Variants in NIN observed in about 807,000 individuals in gnomAD.
The protein encoded by NIN is ninein, also known as glycogen synthase kinase 3 beta-interacting protein.
A neutral mutation model predicts 257.6 loss-of-function variants in NIN; 137 were observed. The observed-to-expected ratio is 0.53, with a 90% CI of 0.46 to 0.61. The LOEUF is 0.61. Ranked by LOEUF, NIN falls within the 20% of genes least tolerant of loss-of-function variation. The pLI is 0.00. For missense variants in NIN, 2,439 were observed against 2,501.2 expected (o/e 0.98, Z 0.53); for synonymous variants, 918 against 919.8 (o/e 1.00, Z 0.04).
chr14:50,804,169 T>A (rs557410001), intron 4 of NIN, among the ~76,000 whole-genome samples: 3 of 152,150 alleles, frequency 2.0e-5, no homozygotes, highest in Non-Finnish European at 4.4e-5. Flanking sequence ...AGTGCTGGGA[T>A]TAGAGGCATG....
chr14:50,747,455 C>T (rs186959263), intron 22 of NIN, among the ~76,000 whole-genome samples: 3 of 152,214 alleles, frequency 2.0e-5, no homozygotes, highest in Admixed American at 6.5e-5. Context: ...TAGAGTGGGC[C>T]GGATGCAGTG....
intron 5 of NIN, among the ~76,000 whole-genome samples, chr14:50,790,275 T>C (rs750428755): frequency 6.6e-6 from 1 of 152,252 alleles, no homozygotes; most frequent in Non-Finnish European, 1.5e-5. Flanking sequence ...GGGCTGGTCT[T>C]GAACTCCTGG....
chr14:50,789,284 A>G (rs900519624), intron 5 of NIN, among the ~76,000 whole-genome samples: 4 of 152,186 alleles, frequency 2.6e-5, no homozygotes, highest in Non-Finnish European at 4.4e-5. Flanking sequence ...ACAATAAAGA[A>G]CTGTCAGAGG....
rs374549640 is a variant in NIN at position 50,806,729 on chromosome 14, G to C, written c.265+8C>G. 1.4e-5 allele frequency: 21 copies of C among 1,518,738 alleles called. No individual in the cohort carries two copies. Among genetic ancestry groups the C allele is most frequent in the African/African-American group, 2.8e-5 (2 of 72,536 alleles). 94.1% of individuals were successfully genotyped at this position (1,518,738 alleles called of 1,614,324 possible). The stretch of plus-strand genomic sequence containing the variant: ...GGGAAGGCAGAGAAGAGAAGTGAGT[G>C]ACCTTACCTGGTTCTTGAAAGTGTT... On this transcript the variant is annotated splice_region_variant and intron_variant, in intron 4 of 30. Transcript: ENST00000530997.
chr14:50,807,297 A>G, intron 3 of NIN, among the ~76,000 whole-genome samples: 1 of 152,216 alleles, frequency 6.6e-6, no homozygotes, highest in East Asian at 1.9e-4. Context: ...GAAGGTATAT[A>G]ATATTTATTT....
rs1468631773 is a variant in NIN at position 50,766,810 on chromosome 14, C to A, written c.1515G>T (p.Gln505His). The A allele has an allele frequency of 6.2e-7, 1 of 1,613,654 alleles. No homozygotes were observed. The highest frequency in any genetic ancestry group is 8.5e-7 in the Non-Finnish European group (1 of 1,179,756). ...CTGCTAACACATTTTCCAAATTTCTCTGAAGTTTGTTTGTCAGATTCTCAT... is the reference window on the plus strand; with the variant it reads ...CTGCTAACACATTTTCCAAATTTCTATGAAGTTTGTTTGTCAGATTCTCAT... Reference protein sequence around the residue: ...AEYENLTNKLQRNLENVLAEK... With the variant: ...AEYENLTNKLHRNLENVLAEK... The change falls in exon 13 of 31, where the codon CAG becomes CAT. Residue 505 changes from glutamine to histidine, a missense_variant. Gln to His is a conservative substitution (Grantham distance 24). Around this residue, in one of 3 missense-constraint regions of NIN, gnomAD observed 2,043 missense variants for 2,050.2 expected, o/e 1.00. Transcript: ENST00000530997.
Position 50,729,708 on chromosome 14 carries a change from A to T in NIN, c.5893T>A (p.Ser1965Thr), listed in dbSNP as rs1241922305. The change falls in exon 29 of 31, where the codon TCC (serine) becomes ACC (threonine). Residue 1965 changes from serine (S) to threonine (T), a missense_variant. Ser to Thr is a moderately conservative substitution (Grantham distance 58). Coordinates refer to ENST00000530997, the MANE Select transcript of NIN (RefSeq NM_020921.4). ...EQLMEMQHLRSTATPSPSPHA... is the reference protein window; with the variant it reads ...EQLMEMQHLRTTATPSPSPHA... Reference sequence around the variant, plus strand: ...GGGGACGGGCTAGGCGTCGCAGTGGACCTCAGGTGCTGCATCTGAAGGACA... The same window carrying T: ...GGGGACGGGCTAGGCGTCGCAGTGGTCCTCAGGTGCTGCATCTGAAGGACA... The T allele has an allele frequency of 2.5e-6, 4 of 1,605,068 alleles. No individual in the cohort carries two copies. In the Admixed American group the frequency reaches 5.1e-5, roughly 20 times the overall value.
chr14:50,818,318 C>CAAA (rs5808573), intron 3 of NIN, among the ~76,000 whole-genome samples: 19 of 81,658 alleles, frequency 2.3e-4, no homozygotes, highest in African/African-American at 8.1e-4. Flanking sequence ...GAGACTCTGT[C>CAAA]AAAAAAAAAA....
chr14:50,772,281 C>T lies in NIN; in HGVS notation c.981+20G>A. 1 of 1,559,636 alleles carries T rather than the reference C, an allele frequency of 6.4e-7. No individual in the cohort carries two copies. The highest frequency in any genetic ancestry group is 1.8e-5 in the Admixed American group (1 of 54,776). ...AACCCTTCTCCAGTTTGTCATTTTTCTCAATTTTAGCTGCCACACCTTCAG... is the reference window on the plus strand; with the variant it reads ...AACCCTTCTCCAGTTTGTCATTTTTTTCAATTTTAGCTGCCACACCTTCAG... On this transcript the variant is annotated intron_variant, in intron 9 of 30. Transcript: ENST00000530997.
chr14:50,738,110 G>C, intron 27 of NIN, 30 bp downstream of exon 27: 1 of 1,610,448 alleles, frequency 6.2e-7, no homozygotes, highest in Non-Finnish European at 8.5e-7. Flanking sequence ...TGAGAACACA[G>C]ATGTACGCCA....
chr14:50,726,160 A>G, intron 29 of NIN, 94 bp from the exon 30 acceptor site: 1 of 970,876 alleles, frequency 1.0e-6, no homozygotes, highest in Non-Finnish European at 1.6e-6. Context: ...AGGACAGCAA[A>G]TGTTTTGCCT....
In NIN at chr14:50,810,002, C is replaced by T. The variant is rs1056923185; in HGVS notation, c.184-3184G>A. Among the ~76,000 whole-genome samples the T allele has an allele frequency of 1.2e-4, 18 of 152,074 alleles. No individual in the cohort carries two copies. The East Asian group carries it at 2.5e-3, about 21-fold the overall frequency. On this transcript the variant is annotated intron_variant, in intron 3 of 30. Transcript: ENST00000530997. ...ATCCCAGCACTTTGGGAGGCCAAGG[C>T]GGGTGGATCACGAGGTCAGGAGATC... is the stretch of plus-strand genomic sequence containing the variant.
chr14:50,757,100 ACT>A lies in NIN; in HGVS notation c.3928_3929del (p.Ser1310LeufsTer3). 6.2e-7 allele frequency: 1 copy of A among 1,612,940 alleles called. No individual in the cohort carries two copies. On this transcript the variant is annotated frameshift_variant, in exon 18 of 31. Coordinates refer to ENST00000530997, the MANE Select transcript of NIN (RefSeq NM_020921.4). LOFTEE classifies it high-confidence loss of function. ...CATTTTCTATTTTGACCTCATCGTA[ACT>A]CTTTTCCAGGCTGAGGAATGTTTCA... ...VTETFLSLEK[S>X]YDEVKIENEG... is the part of the protein sequence containing the mutation.
At chr14:50,744,673 C>T (rs1468255659) in intron 22 of NIN, among the ~76,000 whole-genome samples, 1 of 152,184 alleles carries the variant, frequency 6.6e-6, no homozygotes, top group Non-Finnish European at 1.5e-5. Flanking sequence ...GGGGGTGGCT[C>T]ACACCTGTAA....
chr14:50,755,340 TG>T (rs1189489506), intron 18 of NIN, among the ~76,000 whole-genome samples: 2 of 152,246 alleles, frequency 1.3e-5, no homozygotes, highest in Admixed American at 1.3e-4. Flanking sequence ...CTGTTTACTT[TG>T]TGATTTTATT....
At chr14:50,748,723 G>C (rs1403848978) in intron 21 of NIN, among the ~76,000 whole-genome samples, 1 of 152,122 alleles carries the variant, frequency 6.6e-6, no homozygotes, top group Non-Finnish European at 1.5e-5. Flanking sequence ...GCTATAAAGA[G>C]AATAAAATAC....
chr14:50,781,009 G>A (rs188796115), intron 5 of NIN, among the ~76,000 whole-genome samples: 3 of 152,178 alleles, frequency 2.0e-5, no homozygotes, highest in Admixed American at 2.0e-4. Flanking sequence ...GGTCAGAATT[G>A]TTTTCACATA....
chr14:50,787,897 A>G (rs1238412642), intron 5 of NIN, among the ~76,000 whole-genome samples: 2 of 152,210 alleles, frequency 1.3e-5, no homozygotes, highest in African/African-American at 4.8e-5. Context: ...TTGGTAGAAG[A>G]GACATGCTTA....
chr14:50,738,428 T>C, intron 26 of NIN, 142 bp from the exon 27 acceptor site: 1 of 743,376 alleles, frequency 1.3e-6, no homozygotes, highest in East Asian at 2.7e-5. Flanking sequence ...TACTTGAAGC[T>C]AGCTTTTCTG....
Sources: gnomAD v4.1 joint callset for allele counts (sites outside exome capture counted in the v4.1 genomes callset) on GRCh38, gnomAD v4.1.1 for gene constraint, gnomAD v4.1.1 regional missense constraint, MANE v1.5 for transcripts, NCBI Gene and HGNC (gene_info 2026-07-23, HGNC 2026-07-21) for gene names.